The following NPC1 variants were observed in gnomAD, a reference collection of about 807,000 sequenced individuals.
NPC1 encodes the protein Niemann-Pick C1 protein.
A neutral mutation model predicts 140.4 loss-of-function variants in NPC1; 85 were observed. That is an observed-to-expected ratio of 0.61 (90% CI 0.51 to 0.72). The LOEUF is 0.72. Among genes scored for constraint, NPC1 ranks in the 30% least tolerant of loss-of-function variants. The pLI is 0.00. For missense variants in NPC1, 1,504 were observed against 1,623.8 expected (o/e 0.93, Z 1.27); for synonymous variants, 656 against 624.8 (o/e 1.05, Z -0.74).
rs758184661 is a variant in NPC1, at chr18:23,532,195, G to A, written c.*7C>T. 9.3e-6 allele frequency: 15 copies of A among 1,614,106 alleles called. No homozygotes were observed. Among genetic ancestry groups the A allele is most frequent in the Middle Eastern group, 3.3e-4 (2 of 6,062 alleles). On this transcript the variant is annotated 3_prime_UTR_variant, in exon 25 of 25. Coordinates refer to ENST00000269228, the MANE Select transcript of NPC1 (RefSeq NM_000271.5). The stretch of plus-strand genomic sequence containing the variant: ...ACACAGTTCAGTCAGGATGCCCTGC[G>A]AGAGGGCTAGAAATTTAGAAGCCGT...
chr18:23,527,224 A>C (rs868670281), downstream of NPC1, among the ~76,000 whole-genome samples: 401 of 69,360 alleles, frequency 5.8e-3, 1 homozygote, highest in African/African-American at 0.051. Context: ...CTGTCTCTAC[A>C]AAAAAAAAAA....
At chr18:23,512,276 C>T (rs565780218) in intron 3 of NPC1, among the ~76,000 whole-genome samples, 16 of 152,106 alleles carry the variant, frequency 1.1e-4, no homozygotes, top group African/African-American at 1.9e-4. Flanking sequence ...CTATCTCGGC[C>T]CCCTAAAGTG....
intron 4 of NPC1, among the ~76,000 whole-genome samples, chr18:23,563,921 T>C (rs540173412): frequency 6.6e-6 from 1 of 152,126 alleles, no homozygotes; most frequent in Admixed American, 6.6e-5. Context: ...CTTAGAGAAA[T>C]GTCTACTCTA....
intron 4 of NPC1, among the ~76,000 whole-genome samples, chr18:23,567,695 T>C (rs949949661): frequency 6.6e-6 from 1 of 152,200 alleles, no homozygotes; most frequent in Non-Finnish European, 1.5e-5. Flanking sequence ...AAGGCAGGCA[T>C]CTATAAGTGA....
chr18:23,571,172 TTC>T (rs1036606741), intron 3 of NPC1, among the ~76,000 whole-genome samples: 7 of 152,152 alleles, frequency 4.6e-5, no homozygotes, highest in African/African-American at 1.7e-4. Flanking sequence ...ATTATTGTTT[TTC>T]TCTTTATTTC....
intron 20 of NPC1, among the ~76,000 whole-genome samples, chr18:23,538,166 A>G (rs762216407): frequency 6.6e-6 from 1 of 152,200 alleles, no homozygotes; most frequent in Non-Finnish European, 1.5e-5. Flanking sequence ...ACTAAAGCTA[A>G]GATCACGCCC....
intron 14 of NPC1, 108 bp downstream of exon 14, chr18:23,543,345 AAG>A (rs2058738087): frequency 2.2e-5 from 15 of 689,576 alleles, no homozygotes; most frequent in East Asian, 8.1e-5. Context: ...AAAAAAAAAA[AAG>A]AAAAAAAAAA....
rs544193910 is a variant in NPC1 at position 23,570,105 on chromosome 18, G to A, written c.288-1107C>T. Among the ~76,000 whole-genome samples the A allele has an allele frequency of 4.6e-5, 7 of 152,302 alleles. No individual in the cohort carries two copies. In the East Asian group the frequency reaches 1.3e-3, roughly 29 times the overall value. ...CTCTCTTTCTTTCAGGAGCCCCACT[G>A]CTTTACTGCAACAAAGCCAGAAACC... On this transcript the variant is annotated intron_variant, in intron 3 of 24. Transcript: ENST00000269228.
At position 23,531,510 on chromosome 18, in the gene NPC1, A is replaced by G. The variant is rs1166119277; in HGVS notation, c.*692T>C. 4.7e-6 allele frequency: 7 copies of G among 1,499,198 alleles called. No homozygotes were observed. The highest frequency in any genetic ancestry group is 1.4e-5 in the South Asian group (1 of 72,084). The allele number at this position is 1,499,198 out of a possible 1,614,324, so 92.9% of individuals were successfully genotyped here. On this transcript the variant is annotated 3_prime_UTR_variant, in exon 25 of 25. Transcript: ENST00000269228. ...GGTAACCCCAAAACTTAGGAAAACA[A>G]TGTATTTTATTAAAGAAAAATAAGT...
Position 23,568,866 on chromosome 18 carries a change from A to G in NPC1, c.420T>C (p.Asn140=), listed in dbSNP as rs369039319. The change falls in exon 4 of 25, where the codon AAT becomes AAC. Residue 140 remains asparagine, a synonymous_variant. Transcript: ENST00000269228. ...VDPVTNQTKT[N]VKELQYYVGQ... ...CGACGTAGTATTGTAACTCTTTCAC[A>G]TTTGTTTTCGTCTGGTTTGTAACAG... 1.3e-5 allele frequency: 21 copies of G among 1,614,106 alleles called. No homozygotes were observed. Among genetic ancestry groups the G allele is most frequent in the Non-Finnish European group, 1.7e-5 (20 of 1,179,968 alleles).
chr18:23,554,910 G>T lies in NPC1; in HGVS notation c.1401C>A (p.Ile467=), dbSNP rs2058928240. The change falls in exon 9 of 25, where the codon ATC becomes ATA. Residue 467 remains isoleucine (I), a synonymous_variant. Coordinates refer to ENST00000269228, the MANE Select transcript of NPC1 (RefSeq NM_000271.5). The stretch of plus-strand genomic sequence containing the variant: ...TATACGGTGAAAGAGGGGCCAAGCA[G>T]ATGTCTTGAAGTGTCACAGTCTCAT... ...YDNETVTLQD[I]CLAPLSPYNT... is the part of the protein sequence containing the mutation. 6.2e-7 allele frequency: 1 copy of T among 1,614,012 alleles called. No homozygotes were observed. The highest frequency in any genetic ancestry group is 8.5e-7 in the Non-Finnish European group (1 of 1,179,978).
downstream of NPC1, among the ~76,000 whole-genome samples, chr18:23,531,150 C>T (rs1352538718): frequency 6.6e-6 from 1 of 152,030 alleles, no homozygotes; most frequent in Non-Finnish European, 1.5e-5. Context: ...GCCACCACAC[C>T]CGGCTGATTT....
chr18:23,516,468 TAATATA>T, intron 3 of NPC1: 1 of 1,575,188 alleles, frequency 6.3e-7, no homozygotes, highest in Non-Finnish European at 8.7e-7. Flanking sequence ...TTGCTTTCAG[TAATATA>T]AATAATAGAA....
At chr18:23,580,317 C>T (rs1050468552) in intron 1 of NPC1, among the ~76,000 whole-genome samples, 1 of 152,124 alleles carries the variant, frequency 6.6e-6, no homozygotes, top group Non-Finnish European at 1.5e-5. Context: ...AGCTTCTGTA[C>T]CATTTAAACT....
Position 23,540,464 on chromosome 18 carries a change from G to C in NPC1, c.2588C>G (p.Ser863Cys). 1 of 1,602,640 alleles carries C rather than the reference G, an allele frequency of 6.2e-7. No individual in the cohort carries two copies. The highest frequency in any genetic ancestry group is 1.1e-5 in the South Asian group (1 of 90,738). ...TCATCTTACATCTGGCATCGAAAGA[G>C]ACTGATCCAATCCAATATCTACTTT... Reference protein sequence around the residue: ...LNKVDIGLDQSLSMPDDSYMV... With the variant: ...LNKVDIGLDQCLSMPDDSYMV... The change falls in exon 17 of 25, where the codon TCT (serine) becomes TGT (cysteine). Residue 863 changes from serine (S) to cysteine (C), a missense_variant. Coordinates refer to ENST00000269228, the MANE Select transcript of NPC1 (RefSeq NM_000271.5).
chr18:23,534,421 G>T (rs1350054012), intron 23 of NPC1, 25 bp downstream of exon 23: 1 of 1,486,944 alleles, frequency 6.7e-7, no homozygotes, highest in African/African-American at 1.4e-5. Context: ...GACTCTGCCG[G>T]CGTGGCCCTG....
intron 1 of NPC1, chr18:23,524,266 A>G: frequency 3.2e-6 from 5 of 1,544,726 alleles, no homozygotes; most frequent in Non-Finnish European, 4.5e-6. Flanking sequence ...GCAGCTGTGA[A>G]TAACACTCCG....
At chr18:23,533,185 C>T in intron 24 of NPC1, 170 bp downstream of exon 24, 1 of 762,268 alleles carries the variant, frequency 1.3e-6, no homozygotes, top group Non-Finnish European at 2.1e-6. Flanking sequence ...CATCATGAAT[C>T]CCCTGGATGG....
chr18:23,516,136 A>G lies in NPC1; in HGVS notation c.432-9494T>C, dbSNP rs1406438641. On this transcript the variant is annotated intron_variant, in intron 3 of 3. Transcript: ENST00000591107. ...CTCTGACCACTAGAGGGCACTCTGT[A>G]TACCCGTCAGCTCCTGGAGCCATTC... The G allele has an allele frequency of 4.4e-6, 6 of 1,378,492 alleles. No individual in the cohort carries two copies. In the South Asian group the frequency reaches 6.3e-5, roughly 15 times the overall value. 85.4% of individuals were successfully genotyped at this position (1,378,492 alleles called of 1,614,324 possible).
Sources: allele counts gnomAD v4.1 joint callset (sites outside exome capture counted in the v4.1 genomes callset), GRCh38; gene constraint gnomAD v4.1.1; transcripts MANE v1.5; gene names NCBI Gene and HGNC (gene_info 2026-07-23, HGNC 2026-07-21).